Variants in PDE4D observed in about 807,000 individuals in gnomAD.
PDE4D encodes 3',5'-cyclic-AMP phosphodiesterase 4D.
PDE4D carries 24 observed loss-of-function variants against 87.4 expected under a neutral mutation model. The ratio of observed to expected loss-of-function variants is 0.27; its 90% CI spans 0.20 to 0.39. The LOEUF (loss-of-function observed/expected upper bound fraction) is 0.39, where lower values mean the gene tolerates loss of function less well. PDE4D is among the 10% of genes least tolerant of loss of function. PDE4D has a pLI of 1.00. For missense variants in PDE4D, 714 were observed against 1,041.0 expected, an observed-to-expected ratio of 0.69 and a Z score of 4.32; for synonymous variants, 384 against 383.2, an observed-to-expected ratio of 1.00 and a Z score of -0.02.
chr5:59,428,836 T>C (rs1387516555), intron 1 of PDE4D, among the ~76,000 whole-genome samples: 2 of 152,164 alleles, frequency 1.3e-5, no homozygotes, highest in African/African-American at 4.8e-5. Flanking sequence ...TTATATAAAA[T>C]TTATTTAATT....
In PDE4D at chr5:58,971,898, A is replaced by C. The variant is rs888467035; in HGVS notation, c.*2766T>G. The C allele has an allele frequency of 4.6e-5, 7 of 152,484 alleles. No homozygotes were observed. The highest frequency in any genetic ancestry group is 1.0e-4 in the Non-Finnish European group (7 of 68,000). 9.4% of individuals were successfully genotyped at this position (152,484 alleles called of 1,614,324 possible). On this transcript the variant is annotated 3_prime_UTR_variant, in exon 15 of 15. Coordinates refer to ENST00000340635, the MANE Select transcript of PDE4D (RefSeq NM_001104631.2). ...AAGAGAGAAGGGCAAGGATAAGCAG[A>C]TTGTACAGTGCATTAGTCCCTGTCT...
At chr5:59,716,716 T>A (rs961918749) in intron 1 of PDE4D, among the ~76,000 whole-genome samples, 5 of 152,206 alleles carry the variant, frequency 3.3e-5, no homozygotes, top group African/African-American at 1.2e-4. Flanking sequence ...TGTATTTGCT[T>A]GGGATATCTC....
intron 3 of PDE4D, among the ~76,000 whole-genome samples, chr5:59,916,400 T>G (rs921257901): frequency 6.6e-6 from 1 of 152,228 alleles, no homozygotes; most frequent in Non-Finnish European, 1.5e-5. Context: ...GTTTTGAATT[T>G]GCTGCCAAGT....
chr5:59,043,922 A>G (rs1011463545), intron 5 of PDE4D, among the ~76,000 whole-genome samples: 19 of 152,180 alleles, frequency 1.2e-4, no homozygotes, highest in African/African-American at 3.4e-4. Flanking sequence ...TCCATGGTGT[A>G]TATGTGCCAC....
intron 3 of PDE4D, among the ~76,000 whole-genome samples, chr5:59,982,897 C>T (rs915251854): frequency 3.3e-5 from 5 of 152,088 alleles, no homozygotes; most frequent in African/African-American, 1.2e-4. Context: ...TAATATTTTC[C>T]CAGCATAGGA....
intron 1 of PDE4D, among the ~76,000 whole-genome samples, chr5:60,381,251 T>C (rs1167305542): frequency 6.6e-6 from 1 of 152,214 alleles, no homozygotes; most frequent in Non-Finnish European, 1.5e-5. Flanking sequence ...TGGCCTCCAT[T>C]AAAAACATCA....
At chr5:60,069,971 T>C (rs1371670970) in intron 2 of PDE4D, among the ~76,000 whole-genome samples, 1 of 152,150 alleles carries the variant, frequency 6.6e-6, no homozygotes, top group Non-Finnish European at 1.5e-5. Context: ...CTTAATTTCC[T>C]TTCAGATAGT....
At chr5:59,039,527 TTCTC>T (rs1759243478) in intron 5 of PDE4D, 1 of 985,710 alleles carries the variant, frequency 1.0e-6, no homozygotes, top group African/African-American at 1.7e-5. Context: ...CCTGTTTTCT[TTCTC>T]AACTCCTCGG....
intron 1 of PDE4D, among the ~76,000 whole-genome samples, chr5:60,227,240 A>T (rs907314509): frequency 1.3e-5 from 2 of 152,122 alleles, no homozygotes; most frequent in Non-Finnish European, 2.9e-5. Context: ...ATAACATAAC[A>T]TAGGTGGATA....
chr5:60,089,544 A>T (rs2152910147), intron 2 of PDE4D, among the ~76,000 whole-genome samples: 1 of 152,154 alleles, frequency 6.6e-6, no homozygotes, highest in South Asian at 2.1e-4. Context: ...TACCAAAAGC[A>T]GTTCTAGGAT....
intron 1 of PDE4D, among the ~76,000 whole-genome samples, chr5:60,442,364 T>C (rs424626): frequency 0.42 from 63,383 of 151,606 alleles, 14,649 homozygotes; most frequent in African/African-American, 0.61. Flanking sequence ...ACCACGTGTT[T>C]TCACTCATAA....
chr5:60,134,267 C>A (rs1240791921), intron 2 of PDE4D, among the ~76,000 whole-genome samples: 1 of 152,104 alleles, frequency 6.6e-6, no homozygotes, highest in Non-Finnish European at 1.5e-5. Flanking sequence ...GAGGCCAAGG[C>A]AGGAGGATCA....
At chr5:59,924,464 G>T (rs537155050) in intron 3 of PDE4D, among the ~76,000 whole-genome samples, 24 of 150,314 alleles carry the variant, frequency 1.6e-4, no homozygotes, top group African/African-American at 5.4e-4. Flanking sequence ...CAAAGATAAA[G>T]AAAGGACTCT....
chr5:59,006,335 C>G (rs569075949), intron 6 of PDE4D, among the ~76,000 whole-genome samples: 1 of 152,264 alleles, frequency 6.6e-6, no homozygotes, highest in East Asian at 1.9e-4. Flanking sequence ...GAGGCCAATG[C>G]GGGAGGATTG....
intron 1 of PDE4D, among the ~76,000 whole-genome samples, chr5:60,333,834 A>G (rs1451130131): frequency 1.3e-5 from 2 of 152,180 alleles, no homozygotes; most frequent in Admixed American, 6.5e-5. Context: ...TTTTTTTTCA[A>G]CATGAGGTTG....
chr5:59,095,257 T>G (rs1187666360), intron 5 of PDE4D, among the ~76,000 whole-genome samples: 1 of 151,408 alleles, frequency 6.6e-6, no homozygotes, highest in Non-Finnish European at 1.5e-5. Flanking sequence ...TTAGGCTTAT[T>G]AAATTACAAT....
intron 1 of PDE4D, among the ~76,000 whole-genome samples, chr5:59,250,694 A>G (rs1430633109): frequency 6.6e-6 from 1 of 152,176 alleles, no homozygotes; most frequent in South Asian, 2.1e-4. Context: ...TAAAATTCAT[A>G]TGGAACCAAA....
At chr5:59,626,986 T>C (rs1328110810) in intron 1 of PDE4D, among the ~76,000 whole-genome samples, 2 of 152,212 alleles carry the variant, frequency 1.3e-5, no homozygotes, top group Admixed American at 1.3e-4. Flanking sequence ...TTTGTCTTAT[T>C]CTTCAAAATA....
chr5:60,398,680 C>A (rs1763061457), intron 1 of PDE4D, among the ~76,000 whole-genome samples: 1 of 152,070 alleles, frequency 6.6e-6, no homozygotes, highest in Admixed American at 6.5e-5. Context: ...TTAAGAGAAC[C>A]AACTTCTCCT....
Sources: allele counts gnomAD v4.1 joint callset (sites outside exome capture counted in the v4.1 genomes callset), GRCh38; gene constraint gnomAD v4.1.1; transcripts MANE v1.5; gene names NCBI Gene and HGNC (gene_info 2026-07-23, HGNC 2026-07-21).